The following SHANK2 variants were observed in gnomAD, a reference collection of about 807,000 sequenced individuals.
SHANK2 encodes SH3 and multiple ankyrin repeat domains protein 2.
SHANK2 carries 43 observed loss-of-function variants against 133.7 expected under a neutral mutation model. The ratio of observed to expected loss-of-function variants is 0.32; its 90% CI spans 0.25 to 0.41. The LOEUF is 0.41. SHANK2 is among the 10% of genes least tolerant of loss of function. The probability of loss-of-function intolerance (pLI) is 1.00; values close to 1 mark genes in which losing one functional copy is unlikely to be tolerated. For missense variants in SHANK2, 1,994 were observed against 2,235.8 expected (o/e 0.89, Z 2.18); for synonymous variants, 1,017 against 952.8 (o/e 1.07, Z -1.24).
chr11:70,801,159 C>T (rs1454897392), intron 13 of SHANK2, among the ~76,000 whole-genome samples: 1 of 152,214 alleles, frequency 6.6e-6, no homozygotes, highest in African/African-American at 2.4e-5. Context: ...TTCCAAACTC[C>T]CCTCTCCAGG....
chr11:71,122,919 TG>T (rs1236207050), intron 3 of SHANK2, among the ~76,000 whole-genome samples: 1 of 152,050 alleles, frequency 6.6e-6, no homozygotes, highest in Non-Finnish European at 1.5e-5. Context: ...CACCAGTCTG[TG>T]GTTGGTTATG....
rs181236464 is a variant in SHANK2, at chr11:70,712,897, C to T, written c.1778-14134G>A. On this transcript the variant is annotated intron_variant, in intron 14 of 25. Coordinates refer to ENST00000601538, the MANE Select transcript of SHANK2 (RefSeq NM_012309.5). Reference sequence around the variant, plus strand: ...ACCCGAGTCCATAGTTCCACTTGTTCCCAGCTCCCTGGAAGATCGTGGTTC... The same window carrying T: ...ACCCGAGTCCATAGTTCCACTTGTTTCCAGCTCCCTGGAAGATCGTGGTTC... 3.9e-3 allele frequency among the ~76,000 whole-genome samples: 596 copies of T among 152,346 alleles called. 1 individual carries two copies. Among genetic ancestry groups the T allele is most frequent in the African/African-American group, 0.014 (581 of 41,580 alleles).
intron 11 of SHANK2, among the ~76,000 whole-genome samples, chr11:70,832,168 G>A (rs1029961641): frequency 6.6e-6 from 1 of 152,202 alleles, no homozygotes; most frequent in African/African-American, 2.4e-5. Flanking sequence ...CACTTCACAG[G>A]AGAGTCATAA....
chr11:70,899,943 G>C (rs1342780042), intron 10 of SHANK2, among the ~76,000 whole-genome samples: 2 of 152,234 alleles, frequency 1.3e-5, no homozygotes, highest in Non-Finnish European at 2.9e-5. Flanking sequence ...TGGGCATTAC[G>C]TGTAACCCAC....
At chr11:71,224,269 A>C (rs1565526023) in intron 2 of SHANK2, among the ~76,000 whole-genome samples, 1 of 152,088 alleles carries the variant, frequency 6.6e-6, no homozygotes, top group Non-Finnish European at 1.5e-5. Flanking sequence ...GCACCAGCCC[A>C]CGATCTGCCC....
At position 70,473,454 on chromosome 11, in the gene SHANK2, CAG is replaced by C. The variant is rs1565517698; in HGVS notation, c.4980-17_4980-16del. The C allele has an allele frequency of 1.2e-6, 2 of 1,600,456 alleles. No homozygotes were observed. Among genetic ancestry groups the C allele is most frequent in the South Asian group, 2.2e-5 (2 of 91,052 alleles). ...TCTCCGGGCTTCTGAAACAGCAACACAGAGAAAACCATCACAAGGCAGGTCAC... is the reference window on the plus strand; with the variant it reads ...TCTCCGGGCTTCTGAAACAGCAACACAGAAAACCATCACAAGGCAGGTCAC... On this transcript the variant is annotated splice_polypyrimidine_tract_variant and intron_variant, in intron 25 of 25. Transcript: ENST00000601538. This position sits in a 1 kb window ranked among gnomAD's most constrained non-coding sequence, Gnocchi z 5.9.
chr11:70,636,467 CTGTGTA>C (rs1428343440), intron 17 of SHANK2, among the ~76,000 whole-genome samples: 3 of 143,096 alleles, frequency 2.1e-5, no homozygotes, highest in African/African-American at 8.0e-5. Context: ...GTGTGAGCAT[CTGTGTA>C]TGTGTAAGCA....
intron 5 of SHANK2, among the ~76,000 whole-genome samples, chr11:71,112,491 G>A (rs542239997): frequency 3.9e-4 from 60 of 152,296 alleles, no homozygotes; most frequent in Non-Finnish European, 8.2e-4. Context: ...AGCCATTGGT[G>A]AGCTCGCAGC....
At position 70,685,942 on chromosome 11, in the gene SHANK2, C is replaced by T. The variant is rs79486083; in HGVS notation, c.1853+12746G>A. On this transcript the variant is annotated intron_variant, in intron 15 of 25. Transcript: ENST00000601538. Reference sequence around the variant, plus strand: ...ACAGATTCAGTCAGCCACCCACCCACTCACCCATCCATGCATCCATGGGTC... The same window carrying T: ...ACAGATTCAGTCAGCCACCCACCCATTCACCCATCCATGCATCCATGGGTC... 9.4e-3 allele frequency among the ~76,000 whole-genome samples: 1,429 copies of T among 152,232 alleles called. 22 individuals are homozygous for T. The highest frequency in any genetic ancestry group is 0.033 in the African/African-American group (1,366 of 41,522).
At chr11:70,507,910 C>G (rs2059155127) in intron 17 of SHANK2, among the ~76,000 whole-genome samples, 1 of 152,246 alleles carries the variant, frequency 6.6e-6, no homozygotes, top group South Asian at 2.1e-4. Flanking sequence ...GAGGAACCCG[C>G]AAGAGCGGGG....
At chr11:70,590,248 G>C (rs1554987734) in intron 17 of SHANK2, among the ~76,000 whole-genome samples, 1 of 152,218 alleles carries the variant, frequency 6.6e-6, no homozygotes. Context: ...GAATGGATGA[G>C]GAGTTGCTTC....
At chr11:70,828,390 C>T (rs1555057640) in intron 11 of SHANK2, among the ~76,000 whole-genome samples, 1 of 152,278 alleles carries the variant, frequency 6.6e-6, no homozygotes, top group Non-Finnish European at 1.5e-5. Context: ...GTGACATTCT[C>T]ACCCTACCAT....
chr11:71,143,997 G>A (rs1433626255), intron 3 of SHANK2, among the ~76,000 whole-genome samples: 2 of 151,514 alleles, frequency 1.3e-5, no homozygotes, highest in Admixed American at 6.6e-5. Flanking sequence ...ACTGAACAGT[G>A]AATTCCCTCC....
Position 70,548,241 on chromosome 11 carries a change from TTCCAGTTTTC to T in SHANK2, c.2062-45320_2062-45311del, listed in dbSNP as rs552837217. 7.2e-5 allele frequency among the ~76,000 whole-genome samples: 11 copies of T among 152,364 alleles called. No homozygotes were observed. In the East Asian group the frequency reaches 2.1e-3, roughly 29 times the overall value. On this transcript the variant is annotated intron_variant, in intron 17 of 25. Transcript: ENST00000601538. ...GCGGCCCGCTGCCTGAAATAGATGC[TTCCAGTTTTC>T]TCCTGTGATTTTGATCTTTCTGAAA...
chr11:71,163,584 TC>T (rs1187319126), intron 2 of SHANK2, among the ~76,000 whole-genome samples: 1 of 152,200 alleles, frequency 6.6e-6, no homozygotes, highest in Non-Finnish European at 1.5e-5. Flanking sequence ...CTTCCCCTTA[TC>T]TGATAGATAA....
intron 2 of SHANK2, among the ~76,000 whole-genome samples, chr11:71,177,506 A>G (rs1555113269): frequency 6.6e-6 from 1 of 152,224 alleles, no homozygotes; most frequent in East Asian, 1.9e-4. Flanking sequence ...CCCTAAGCCA[A>G]CCATTGAAAG....
chr11:70,913,850 G>A (rs542401704), intron 10 of SHANK2, among the ~76,000 whole-genome samples: 35 of 152,244 alleles, frequency 2.3e-4, no homozygotes, highest in Non-Finnish European at 4.4e-4. Context: ...AATCAGAGCC[G>A]GTCTTTTCAT....
chr11:70,907,908 T>G, intron 10 of SHANK2: 1 of 453,504 alleles, frequency 2.2e-6, no homozygotes, highest in South Asian at 1.6e-5. Context: ...TCGAGACCAG[T>G]CTGGCCAACA....
chr11:70,859,184 G>T (rs1030222846), intron 11 of SHANK2, among the ~76,000 whole-genome samples: 5 of 152,214 alleles, frequency 3.3e-5, no homozygotes, highest in African/African-American at 1.2e-4. Flanking sequence ...GAGATGAACA[G>T]ATGTCTGGAT....
Sources: gnomAD v4.1 joint callset for allele counts (sites outside exome capture counted in the v4.1 genomes callset) on GRCh38, gnomAD v4.1.1 for gene constraint, Gnocchi (gnomAD v3.1) non-coding constraint, MANE v1.5 for transcripts, NCBI Gene and HGNC (gene_info 2026-07-23, HGNC 2026-07-21) for gene names.